Variants in STAT4 observed in about 807,000 individuals in gnomAD.
The protein encoded by STAT4 is signal transducer and activator of transcription 4.
STAT4 carries 42 observed loss-of-function variants against 110.5 expected under a neutral mutation model. That is an observed-to-expected ratio of 0.38 (90% CI 0.30 to 0.49). STAT4 has a LOEUF of 0.49. STAT4 is among the 20% of genes least tolerant of loss of function. The pLI is 0.95. For missense variants in STAT4, 632 were observed against 887.9 expected (o/e 0.71, Z 3.66); for synonymous variants, 284 against 302.2 (o/e 0.94, Z 0.63).
In STAT4 at chr2:191,117,645, G is replaced by C. The variant is rs1698606738; in HGVS notation, c.273+28968C>G. Among the ~76,000 whole-genome samples, 1 of 152,272 alleles carries C rather than the reference G, an allele frequency of 6.6e-6. No individual in the cohort carries two copies. The highest frequency in any genetic ancestry group is 6.5e-5 in the Admixed American group (1 of 15,298). The stretch of plus-strand genomic sequence containing the variant: ...GCTGCAACTTGAAGGATGGTTGGGG[G>C]AGTAGGAAATTGCATCCTGGGCAGA... On this transcript the variant is annotated intron_variant, in intron 3 of 23. Transcript: ENST00000392320. The surrounding 1 kb of genome is among the most constrained non-coding windows in gnomAD (Gnocchi z 5.2).
chr2:191,030,908 C>A lies in STAT4; in HGVS notation c.2220+64G>T. Reference sequence around the variant, plus strand: ...AGGCAGTATTTCAGCCCCTTTGATTCACACACCACCTTTGCATCGTTGGAA... The same window carrying A: ...AGGCAGTATTTCAGCCCCTTTGATTAACACACCACCTTTGCATCGTTGGAA... On this transcript the variant is annotated intron_variant, in intron 23 of 23. Coordinates refer to ENST00000392320, the MANE Select transcript of STAT4 (RefSeq NM_003151.4). This position sits in a 1 kb window ranked among gnomAD's most constrained non-coding sequence, Gnocchi z 4.4. 6.8e-7 allele frequency: 1 copy of A among 1,478,130 alleles called. No homozygotes were observed. Among genetic ancestry groups the A allele is most frequent in the South Asian group, 1.1e-5 (1 of 87,066 alleles). 91.6% of individuals were successfully genotyped at this position (1,478,130 alleles called of 1,614,324 possible).
Position 191,143,564 on chromosome 2 carries a change from C to A in STAT4, c.273+3049G>T, listed in dbSNP as rs949190089. Among the ~76,000 whole-genome samples the A allele has an allele frequency of 2.6e-5, 4 of 152,144 alleles. No individual in the cohort carries two copies. Among genetic ancestry groups the A allele is most frequent in the Admixed American group, 2.6e-4 (4 of 15,272 alleles). ...GTCCTTTATAGCAAGCCATTCCAAACTGTTATTGGAAGTAGGTGTAATATA... is the reference window on the plus strand; with the variant it reads ...GTCCTTTATAGCAAGCCATTCCAAAATGTTATTGGAAGTAGGTGTAATATA... On this transcript the variant is annotated intron_variant, in intron 3 of 23. Coordinates refer to ENST00000392320, the MANE Select transcript of STAT4 (RefSeq NM_003151.4). The surrounding 1 kb of genome is among the most constrained non-coding windows in gnomAD (Gnocchi z 5.6).
In STAT4 at chr2:191,051,966, T is replaced by C. The variant is rs984703334; in HGVS notation, c.1251+2524A>G. Among the ~76,000 whole-genome samples the C allele has an allele frequency of 8.5e-5, 13 of 152,236 alleles. No individual in the cohort carries two copies. The highest frequency in any genetic ancestry group is 1.5e-5 in the Non-Finnish European group (1 of 68,042). On this transcript the variant is annotated intron_variant, in intron 14 of 23. Coordinates refer to ENST00000392320, the MANE Select transcript of STAT4 (RefSeq NM_003151.4). The surrounding 1 kb of genome is among the most constrained non-coding windows in gnomAD (Gnocchi z 5.6). ...AAATCAGTATTAGTGAAGCTCTTAGTGTCCAGTATATAGTAAATGCCACAC... is the reference window on the plus strand; with the variant it reads ...AAATCAGTATTAGTGAAGCTCTTAGCGTCCAGTATATAGTAAATGCCACAC...
Position 191,032,906 on chromosome 2 carries a change from AT to A in STAT4, c.2044+51del, listed in dbSNP as rs1210574555. 6.5e-7 allele frequency: 1 copy of A among 1,539,394 alleles called. No homozygotes were observed. On this transcript the variant is annotated intron_variant, in intron 21 of 23. Transcript: ENST00000392320. The surrounding 1 kb of genome is among the most constrained non-coding windows in gnomAD (Gnocchi z 4.9). The stretch of plus-strand genomic sequence containing the variant: ...ATTTACTTTGCTCCAATATGAGGTT[AT>A]TTTCCAAAATCTTAAGGAAAAAAAA...
In STAT4 at chr2:191,066,071, C is replaced by G. The variant is rs1243770931; in HGVS notation, c.630+359G>C. ...ATAAAATTTTAGTAGTCATCAAATA[C>G]TATATTAATTATATATGTGCAGTGG... On this transcript the variant is annotated intron_variant, in intron 7 of 23. Coordinates refer to ENST00000392320, the MANE Select transcript of STAT4 (RefSeq NM_003151.4). This position sits in a 1 kb window ranked among gnomAD's most constrained non-coding sequence, Gnocchi z 4.3. Among the ~76,000 whole-genome samples the G allele has an allele frequency of 6.6e-6, 1 of 152,068 alleles. No individual in the cohort carries two copies. Among genetic ancestry groups the G allele is most frequent in the Non-Finnish European group, 1.5e-5 (1 of 68,008 alleles).
In STAT4 at chr2:191,082,100, T is replaced by C. The variant is rs1697499455; in HGVS notation, c.274-5775A>G. Among the ~76,000 whole-genome samples the C allele has an allele frequency of 1.3e-5, 2 of 152,224 alleles. 1 individual carries two copies. The highest frequency in any genetic ancestry group is 4.1e-4 in the South Asian group (2 of 4,830). ...AATTTGGCAATTTCTCTTGCCACTG[T>C]TGCTTTGTGTATGACAGGCAATCTT... On this transcript the variant is annotated intron_variant, in intron 3 of 23. Coordinates refer to ENST00000392320, the MANE Select transcript of STAT4 (RefSeq NM_003151.4). This position sits in a 1 kb window ranked among gnomAD's most constrained non-coding sequence, Gnocchi z 4.7.
chr2:191,119,323 G>A (rs1698656493), intron 3 of STAT4, among the ~76,000 whole-genome samples: 1 of 152,094 alleles, frequency 6.6e-6, no homozygotes, highest in Admixed American at 6.5e-5. Context: ...AGGAGAATGA[G>A]TTGTTTTAGA....
At chr2:191,121,382 G>T (rs935804806) in intron 3 of STAT4, among the ~76,000 whole-genome samples, 1 of 152,150 alleles carries the variant, frequency 6.6e-6, no homozygotes. Context: ...CAAGGATCTA[G>T]AACTAGAAAT....
At chr2:191,141,100 G>A (rs1019886371) in intron 3 of STAT4, among the ~76,000 whole-genome samples, 107 of 151,864 alleles carry the variant, frequency 7.0e-4, no homozygotes, top group Non-Finnish European at 6.2e-4. Flanking sequence ...TTGGGAGCGG[G>A]GGGTGAGGGA....
At position 191,066,801 on chromosome 2, in the gene STAT4, G is replaced by T. The variant is rs1281243208; in HGVS notation, c.545-286C>A. ...GGTGGTGGTGGACAGAGGAGATAAA[G>T]TTGCTGTAATGGATGCCTTACTATA... On this transcript the variant is annotated intron_variant, in intron 6 of 23. Transcript: ENST00000392320. The surrounding 1 kb of genome is among the most constrained non-coding windows in gnomAD (Gnocchi z 4.3). 6.6e-6 allele frequency among the ~76,000 whole-genome samples: 1 copy of T among 152,148 alleles called. No individual in the cohort carries two copies. Among genetic ancestry groups the T allele is most frequent in the Non-Finnish European group, 1.5e-5 (1 of 68,016 alleles).
intron 14 of STAT4, among the ~76,000 whole-genome samples, chr2:191,048,313 C>T (rs1696410721): frequency 1.3e-5 from 2 of 152,174 alleles, no homozygotes; most frequent in South Asian, 2.1e-4. Context: ...ATACTATACA[C>T]AAGACTGGAG....
chr2:191,109,185 C>G (rs1470843899), intron 3 of STAT4, among the ~76,000 whole-genome samples: 1 of 152,120 alleles, frequency 6.6e-6, no homozygotes, highest in Non-Finnish European at 1.5e-5. Flanking sequence ...TCCATTTCTA[C>G]AAGCGAAAAA....
chr2:191,061,712 A>C lies in STAT4; in HGVS notation c.1034+17T>G. 2 of 1,609,648 alleles carry C rather than the reference A, an allele frequency of 1.2e-6. No individual in the cohort carries two copies. Among genetic ancestry groups the C allele is most frequent in the Non-Finnish European group, 1.7e-6 (2 of 1,175,906 alleles). ...GCTCCACAAACACACGAAATAGTAG[A>C]AAATGTTTTTGCCTACCTTAGTTTT... On this transcript the variant is annotated intron_variant, in intron 10 of 23. Transcript: ENST00000392320. This position sits in a 1 kb window ranked among gnomAD's most constrained non-coding sequence, Gnocchi z 6.2.
chr2:191,107,152 A>C lies in STAT4; in HGVS notation c.274-30827T>G, dbSNP rs1698304960. On this transcript the variant is annotated intron_variant, in intron 3 of 23. Transcript: ENST00000392320. This position sits in a 1 kb window ranked among gnomAD's most constrained non-coding sequence, Gnocchi z 4.2. Reference sequence around the variant, plus strand: ...GTCCAGTGAGATTAGTAAGATGAAAAATGGTTAAAAGCTTCAGGGTTTGAG... The same window carrying C: ...GTCCAGTGAGATTAGTAAGATGAAACATGGTTAAAAGCTTCAGGGTTTGAG... Among the ~76,000 whole-genome samples the C allele has an allele frequency of 6.6e-6, 1 of 152,176 alleles. No individual in the cohort carries two copies. The highest frequency in any genetic ancestry group is 1.5e-5 in the Non-Finnish European group (1 of 68,034).
At chr2:191,141,584 T>TATATGTGTATATATACACACAC (rs1559085825) in intron 3 of STAT4, among the ~76,000 whole-genome samples, 4 of 120,476 alleles carry the variant, frequency 3.3e-5, no homozygotes, top group African/African-American at 1.2e-4. Flanking sequence ...TATATACATA[T>TATATGTGTATATATACACACAC]ACATATATAT....
In STAT4 at chr2:191,030,688, G is replaced by A; in HGVS notation, c.2220+284C>T. ...AGTGAGGGGGCCCATGGTGCAAGCA[G>A]CGATAGTGTGCTTGAGTAGGGTATA... On this transcript the variant is annotated intron_variant, in intron 23 of 23. Coordinates refer to ENST00000392320, the MANE Select transcript of STAT4 (RefSeq NM_003151.4). The surrounding 1 kb of genome is among the most constrained non-coding windows in gnomAD (Gnocchi z 4.4). The A allele has an allele frequency of 3.4e-6, 1 of 298,236 alleles. No homozygotes were observed. The highest frequency in any genetic ancestry group is 6.5e-6 in the Non-Finnish European group (1 of 154,550). The allele number at this position is 298,236 out of a possible 1,614,324, so 18.5% of individuals were successfully genotyped here. A position where few individuals can be genotyped will look rare whatever the true frequency, so the allele number is the denominator to read the frequency against.
chr2:191,103,204 C>T (rs971556818), intron 3 of STAT4, among the ~76,000 whole-genome samples: 5 of 152,096 alleles, frequency 3.3e-5, no homozygotes, highest in Non-Finnish European at 5.9e-5. Context: ...GCTATGTTTG[C>T]CAGTCTCTTG....
At position 191,113,713 on chromosome 2, in the gene STAT4, G is replaced by A. The variant is rs1484259388; in HGVS notation, c.273+32900C>T. Among the ~76,000 whole-genome samples the A allele has an allele frequency of 1.3e-5, 2 of 152,160 alleles. No homozygotes were observed. The highest frequency in any genetic ancestry group is 2.9e-5 in the Non-Finnish European group (2 of 68,020). ...TTGGAGTTTCATCAAAAGGAGCAGG[G>A]AAATAGGATAGAGAAAAAATAATTA... On this transcript the variant is annotated intron_variant, in intron 3 of 23. Coordinates refer to ENST00000392320, the MANE Select transcript of STAT4 (RefSeq NM_003151.4). This position sits in a 1 kb window ranked among gnomAD's most constrained non-coding sequence, Gnocchi z 4.8.
intron 16 of STAT4, among the ~76,000 whole-genome samples, chr2:191,038,785 T>G: frequency 6.6e-6 from 1 of 152,226 alleles, no homozygotes; most frequent in East Asian, 1.9e-4. Context: ...GCAAGATTGA[T>G]GAATATTCTA....
Sources: gnomAD v4.1 joint callset for allele counts (sites outside exome capture counted in the v4.1 genomes callset) on GRCh38, gnomAD v4.1.1 for gene constraint, Gnocchi (gnomAD v3.1) non-coding constraint, MANE v1.5 for transcripts, NCBI Gene and HGNC (gene_info 2026-07-23, HGNC 2026-07-21) for gene names.